OPHN1: variants seen among roughly 807,000 people sequenced by gnomAD.
The protein encoded by OPHN1 is oligophrenin 1.
OPHN1 carries 11 observed loss-of-function variants against 60.7 expected under a neutral mutation model. That is an observed-to-expected ratio of 0.18 (90% CI 0.11 to 0.30). The LOEUF (loss-of-function observed/expected upper bound fraction) is 0.30, where lower values mean the gene tolerates loss of function less well. Ranked by LOEUF, OPHN1 falls within the 10% of genes least tolerant of loss-of-function variation. OPHN1 has a pLI of 1.00. For synonymous variants in OPHN1, 226 were observed against 222.6 expected (o/e 1.02, Z -0.14); for missense variants, 449 against 611.0 (o/e 0.73, Z 2.80).
chrX:68,267,369 G>A (rs2077936475), intron 5 of OPHN1, among the ~76,000 whole-genome samples: 1 of 111,910 alleles, frequency 8.9e-6, no homozygotes, highest in Non-Finnish European at 1.9e-5. Flanking sequence ...TCAGGATTAA[G>A]AAACTCACTC....
intron 21 of OPHN1, among the ~76,000 whole-genome samples, chrX:68,059,453 C>G (rs1385071373): frequency 9.0e-6 from 1 of 111,624 alleles, no homozygotes; most frequent in African/African-American, 3.3e-5. Flanking sequence ...CCATGCTCAC[C>G]TTAAAGCCTT....
chrX:68,419,031 G>A (rs2078812850), intron 2 of OPHN1, among the ~76,000 whole-genome samples: 1 of 109,854 alleles, frequency 9.1e-6, no homozygotes, highest in South Asian at 3.9e-4. Flanking sequence ...TTTTTGAGAT[G>A]GAGTTTTTCT....
chrX:68,414,064 T>C (rs1374917713), intron 2 of OPHN1, among the ~76,000 whole-genome samples: 1 of 111,500 alleles, frequency 9.0e-6, no homozygotes, highest in Non-Finnish European at 1.9e-5. Context: ...TCCTGTAAAA[T>C]AGGGTCTTAT....
intron 2 of OPHN1, among the ~76,000 whole-genome samples, chrX:68,339,560 G>A (rs917622753): frequency 6.2e-5 from 7 of 112,244 alleles, no homozygotes; most frequent in Admixed American, 1.9e-4. Context: ...TAATAAATAA[G>A]TTCATCAAGG....
At chrX:68,125,680 G>C (rs2077166922) in intron 15 of OPHN1, among the ~76,000 whole-genome samples, 1 of 107,939 alleles carries the variant, frequency 9.3e-6, no homozygotes, top group African/African-American at 3.4e-5. Flanking sequence ...AAGATCAAAG[G>C]CATAATAAAA....
At chrX:68,130,552 T>C (rs1367182726) in intron 15 of OPHN1, among the ~76,000 whole-genome samples, 1 of 111,529 alleles carries the variant, frequency 9.0e-6, no homozygotes, top group African/African-American at 3.3e-5. Flanking sequence ...TATATAGCCA[T>C]TAAAATATTT....
chrX:68,396,730 G>T (rs2078686684), intron 2 of OPHN1, among the ~76,000 whole-genome samples: 1 of 111,077 alleles, frequency 9.0e-6, no homozygotes, highest in South Asian at 3.8e-4. Flanking sequence ...CAGGAGAATC[G>T]CTGGAGCACT....
At chrX:68,163,293 T>G (rs1265180373) in intron 15 of OPHN1, among the ~76,000 whole-genome samples, 1 of 110,974 alleles carries the variant, frequency 9.0e-6, no homozygotes, top group Non-Finnish European at 1.9e-5. Context: ...TTTTTTTTTG[T>G]TGTTTAAATT....
chrX:68,262,265 C>T (rs927854593), intron 5 of OPHN1, among the ~76,000 whole-genome samples: 1 of 111,906 alleles, frequency 8.9e-6, no homozygotes, highest in Admixed American at 9.5e-5. Context: ...AAATGGTTAA[C>T]AGTGGATACC....
intron 15 of OPHN1, among the ~76,000 whole-genome samples, chrX:68,119,745 AG>A (rs2077142581): frequency 9.0e-6 from 1 of 111,298 alleles, no homozygotes; most frequent in African/African-American, 3.3e-5. Flanking sequence ...AAATTGCTGG[AG>A]GCTTAATATG....
chrX:68,208,627 A>G (rs1224018631), intron 9 of OPHN1, among the ~76,000 whole-genome samples: 1 of 112,235 alleles, frequency 8.9e-6, no homozygotes, highest in Non-Finnish European at 1.9e-5. Context: ...ATCTGGCAGA[A>G]ACAGTGCTCA....
rs771248009 is a variant in OPHN1 at position 68,072,258 on chromosome X, G to A, written c.1834+894C>T. ...GCAGGAAATTTGATATGACAAAAGAGGCAAGATATCAATCTTAGATAAATT... is the reference window on the plus strand; with the variant it reads ...GCAGGAAATTTGATATGACAAAAGAAGCAAGATATCAATCTTAGATAAATT... On this transcript the variant is annotated intron_variant, in intron 20 of 24. Transcript: ENST00000355520. 3.6e-5 allele frequency among the ~76,000 whole-genome samples: 4 copies of A among 111,917 alleles called. No homozygotes were observed. In the Admixed American group the frequency reaches 3.8e-4, roughly 11 times the overall value.
chrX:68,379,362 G>A (rs997957283), intron 2 of OPHN1, among the ~76,000 whole-genome samples: 3 of 111,094 alleles, frequency 2.7e-5, no homozygotes, highest in Non-Finnish European at 3.8e-5. Flanking sequence ...GTATACAATC[G>A]TGTCATCTGC....
intron 21 of OPHN1, among the ~76,000 whole-genome samples, chrX:68,059,814 C>T (rs1181415042): frequency 9.0e-6 from 1 of 111,057 alleles, no homozygotes; most frequent in Non-Finnish European, 1.9e-5. Context: ...TCATAAAGTC[C>T]CAGTCCATGG....
intron 4 of OPHN1, among the ~76,000 whole-genome samples, chrX:68,275,759 T>C (rs973608191): frequency 8.9e-6 from 1 of 112,053 alleles, no homozygotes; most frequent in African/African-American, 3.2e-5. Flanking sequence ...ATCTGAGTTC[T>C]CCAATCTAAG....
intron 2 of OPHN1, among the ~76,000 whole-genome samples, chrX:68,316,869 G>A (rs1404563604): frequency 8.9e-6 from 1 of 111,939 alleles, no homozygotes. Flanking sequence ...TAAGTGAGTA[G>A]AATGTGGACA....
intron 19 of OPHN1, among the ~76,000 whole-genome samples, chrX:68,090,821 A>T (rs1463730971): frequency 2.7e-5 from 3 of 111,399 alleles, no homozygotes; most frequent in Non-Finnish European, 5.7e-5. Context: ...TGAACCATAT[A>T]TCTTAAGCAG....
At chrX:68,266,925 CAAAG>C (rs1276638429) in intron 5 of OPHN1, among the ~76,000 whole-genome samples, 2 of 111,284 alleles carry the variant, frequency 1.8e-5, no homozygotes, top group African/African-American at 6.5e-5. Context: ...TCAAAAGAGA[CAAAG>C]AAGGCCATTA....
chrX:68,324,628 AT>A (rs754023813), intron 2 of OPHN1, among the ~76,000 whole-genome samples: 1,640 of 107,478 alleles, frequency 0.015, 38 homozygotes, highest in African/African-American at 0.045. Context: ...AAAAAAAAAA[AT>A]CTAAAAATAA....
Sources: allele counts gnomAD v4.1 joint callset (sites outside exome capture counted in the v4.1 genomes callset), GRCh38; gene constraint gnomAD v4.1.1; transcripts MANE v1.5; gene names NCBI Gene and HGNC (gene_info 2026-07-23, HGNC 2026-07-21).